Variants in PTPRT observed in about 807,000 individuals in gnomAD.
The protein encoded by PTPRT is receptor-type tyrosine-protein phosphatase T.
Under a neutral mutation model 176.8 loss-of-function variants are expected in PTPRT, and 56 were observed. The observed-to-expected ratio is 0.32, with a 90% CI of 0.26 to 0.40. The LOEUF (loss-of-function observed/expected upper bound fraction) is 0.40, where lower values mean the gene tolerates loss of function less well. Among genes scored for constraint, PTPRT ranks in the 10% least tolerant of loss-of-function variants. PTPRT has a pLI of 1.00. For synonymous variants in PTPRT, 783 were observed against 739.0 expected (o/e 1.06, Z -0.96); for missense variants, 1,540 against 1,908.2 (o/e 0.81, Z 3.60).
At position 42,118,420 on chromosome 20, in the gene PTPRT, G is replaced by C; in HGVS notation, c.2965C>G (p.Leu989Val). 6.2e-7 allele frequency: 1 copy of C among 1,612,824 alleles called. No homozygotes were observed. Among genetic ancestry groups the C allele is most frequent in the Non-Finnish European group, 8.5e-7 (1 of 1,179,282 alleles). Residue 989 changes from leucine to valine, a missense_variant, in exon 21 of 31, where the codon CTG becomes GTG. Coordinates refer to ENST00000373187, the MANE Select transcript of PTPRT (RefSeq NM_007050.6). ...AGGCTTACCCTGCCCACTTCCACCA[G>C]GTTTGTGACCATGACGATGCTGGCG... Reference protein sequence around the residue: ...NSASIVMVTNLVEVGRVKCVR... With the variant: ...NSASIVMVTNVVEVGRVKCVR...
At chr20:42,735,369 C>A (rs1209200440) in intron 6 of PTPRT, among the ~76,000 whole-genome samples, 1 of 152,066 alleles carries the variant, frequency 6.6e-6, no homozygotes, top group African/African-American at 2.4e-5. Context: ...AAAAGGCATC[C>A]CACGGAAAAC....
chr20:42,412,599 C>T (rs538693380), intron 9 of PTPRT, among the ~76,000 whole-genome samples: 20 of 152,304 alleles, frequency 1.3e-4, no homozygotes, highest in African/African-American at 4.1e-4. Context: ...AAGACTTGTA[C>T]ACAAATATTC....
At chr20:42,682,430 AAC>A (rs1282316481) in intron 6 of PTPRT, among the ~76,000 whole-genome samples, 1 of 152,162 alleles carries the variant, frequency 6.6e-6, no homozygotes. Flanking sequence ...TTGAATTCCT[AAC>A]AGTTTTTCAA....
rs2059090751 is a variant in PTPRT, at chr20:42,418,917, G to A, written c.1560+29303C>T. On this transcript the variant is annotated intron_variant, in intron 9 of 30. Transcript: ENST00000373187. The stretch of plus-strand genomic sequence containing the variant: ...AGACTTCCCAAATTTCATACAAGCT[G>A]CCTCCCACTATAAGTAAAACATCAG... Among the ~76,000 whole-genome samples the A allele has an allele frequency of 2.0e-5, 3 of 152,250 alleles. No individual in the cohort carries two copies. The South Asian group carries it at 6.2e-4, about 32-fold the overall frequency.
chr20:42,496,686 T>C (rs2145399974), intron 7 of PTPRT, among the ~76,000 whole-genome samples: 2 of 152,140 alleles, frequency 1.3e-5, no homozygotes, highest in South Asian at 4.2e-4. Flanking sequence ...ATAATGTCCT[T>C]GATTGCTTCG....
intron 7 of PTPRT, among the ~76,000 whole-genome samples, chr20:42,576,391 C>T (rs1026110023): frequency 6.6e-6 from 1 of 152,124 alleles, no homozygotes; most frequent in Non-Finnish European, 1.5e-5. Context: ...CCTTGCAGCA[C>T]GGTGCCTGGC....
intron 6 of PTPRT, among the ~76,000 whole-genome samples, chr20:42,713,616 GA>G (rs1186433372): frequency 6.6e-6 from 1 of 152,150 alleles, no homozygotes; most frequent in Non-Finnish European, 1.5e-5. Context: ...ATAAGTGAAG[GA>G]AGACATGTGA....
chr20:42,863,107 C>G (rs771767021), intron 2 of PTPRT, among the ~76,000 whole-genome samples: 1 of 152,184 alleles, frequency 6.6e-6, no homozygotes, highest in Non-Finnish European at 1.5e-5. Context: ...GGTTGGTGAA[C>G]AGCAGAGCCA....
At chr20:42,142,111 G>A in intron 17 of PTPRT, 109 bp from the exon 18 acceptor site, 1 of 862,122 alleles carries the variant, frequency 1.2e-6, no homozygotes, top group Non-Finnish European at 2.0e-6. Flanking sequence ...ACTCCTAGTG[G>A]AAAGGGATAG....
At chr20:42,207,197 C>G (rs1402323323) in intron 15 of PTPRT, among the ~76,000 whole-genome samples, 4 of 152,138 alleles carry the variant, frequency 2.6e-5, no homozygotes, top group Non-Finnish European at 2.9e-5. Context: ...GGGGAAAAAA[C>G]AGAACAGAAA....
intron 1 of PTPRT, among the ~76,000 whole-genome samples, chr20:43,166,326 TAA>T (rs79113064): frequency 6.3e-5 from 8 of 126,482 alleles, no homozygotes; most frequent in Non-Finnish European, 8.5e-5. Context: ...AGACTCTGTC[TAA>T]AAAAAAAAAA....
At chr20:42,302,611 T>C (rs987937014) in intron 12 of PTPRT, among the ~76,000 whole-genome samples, 2 of 152,234 alleles carry the variant, frequency 1.3e-5, no homozygotes, top group African/African-American at 4.8e-5. Flanking sequence ...GGATTGCTGA[T>C]AATTTATTGC....
At chr20:42,205,339 C>A (rs548587192) in intron 15 of PTPRT, among the ~76,000 whole-genome samples, 2 of 152,298 alleles carry the variant, frequency 1.3e-5, no homozygotes, top group Admixed American at 6.5e-5. Context: ...GTTCCCTCCT[C>A]TTTGCTCATT....
chr20:42,212,011 A>G (rs1433360325), intron 15 of PTPRT, among the ~76,000 whole-genome samples: 2 of 81,766 alleles, frequency 2.4e-5, no homozygotes, highest in African/African-American at 7.0e-5. Context: ...CATGGATGAA[A>G]CTGGAAAACA....
chr20:42,195,759 G>A (rs911194108), intron 16 of PTPRT, among the ~76,000 whole-genome samples: 2 of 152,172 alleles, frequency 1.3e-5, no homozygotes, highest in Non-Finnish European at 2.9e-5. Context: ...ATATATGACT[G>A]TGTAGGTTTA....
chr20:42,396,478 T>A (rs1307806666), intron 9 of PTPRT, among the ~76,000 whole-genome samples: 1 of 151,574 alleles, frequency 6.6e-6, no homozygotes, highest in Non-Finnish European at 1.5e-5. Flanking sequence ...GCCAAATTAG[T>A]TTCTTCCACT....
intron 7 of PTPRT, among the ~76,000 whole-genome samples, chr20:42,495,291 G>T (rs141365391): frequency 6.6e-6 from 1 of 152,170 alleles, no homozygotes; most frequent in African/African-American, 2.4e-5. Context: ...GCTGTGGTAG[G>T]TTCAGCACTT....
intron 13 of PTPRT, among the ~76,000 whole-genome samples, chr20:42,259,546 G>A (rs554815906): frequency 6.6e-6 from 1 of 152,318 alleles, no homozygotes; most frequent in Non-Finnish European, 1.5e-5. Flanking sequence ...CCCAGCTGGG[G>A]TAGAGAGAGG....
intron 7 of PTPRT, among the ~76,000 whole-genome samples, chr20:42,605,171 G>T (rs2073853464): frequency 6.6e-6 from 1 of 152,198 alleles, no homozygotes; most frequent in Non-Finnish European, 1.5e-5. Flanking sequence ...AATCCAGTTA[G>T]ACCTGCCCCG....
Sources: allele counts gnomAD v4.1 joint callset (sites outside exome capture counted in the v4.1 genomes callset), GRCh38; gene constraint gnomAD v4.1.1; transcripts MANE v1.5; gene names NCBI Gene and HGNC (gene_info 2026-07-23, HGNC 2026-07-21).